Variants in KCNJ6 observed in about 807,000 individuals in gnomAD.
The protein encoded by KCNJ6 is G protein-activated inward rectifier potassium channel 2.
A neutral mutation model predicts 34.2 loss-of-function variants in KCNJ6; 9 were observed. The observed-to-expected ratio is 0.26, with a 90% CI of 0.16 to 0.46. The LOEUF (loss-of-function observed/expected upper bound fraction) is 0.46, where lower values mean the gene tolerates loss of function less well. Ranked by LOEUF, KCNJ6 falls within the 20% of genes least tolerant of loss-of-function variation. KCNJ6 has a pLI of 1.00. For synonymous variants in KCNJ6, 196 were observed against 207.1 expected (o/e 0.95, Z 0.46); for missense variants, 236 against 531.3 (o/e 0.44, Z 5.46).
At chr21:37,815,634 C>T (rs192138295) in intron 2 of KCNJ6, among the ~76,000 whole-genome samples, 1 of 152,200 alleles carries the variant, frequency 6.6e-6, no homozygotes, top group Non-Finnish European at 1.5e-5. Flanking sequence ...ATCATCTAAT[C>T]CAGTCCACTT....
At chr21:37,809,413 A>G (rs1023075692) in intron 2 of KCNJ6, among the ~76,000 whole-genome samples, 14 of 152,220 alleles carry the variant, frequency 9.2e-5, no homozygotes, top group African/African-American at 2.4e-4. Context: ...ATTAGGAGAT[A>G]TACCTAATGC....
intron 3 of KCNJ6, among the ~76,000 whole-genome samples, chr21:37,684,212 G>A (rs2054603076): frequency 1.3e-5 from 2 of 152,148 alleles, no homozygotes; most frequent in Non-Finnish European, 2.9e-5. Flanking sequence ...TGTGAAGGGA[G>A]GTCTGGTCCA....
At chr21:37,771,890 C>T (rs1485079095) in intron 2 of KCNJ6, among the ~76,000 whole-genome samples, 1 of 152,090 alleles carries the variant, frequency 6.6e-6, no homozygotes, top group Admixed American at 6.6e-5. Context: ...TTTTCATGGC[C>T]TCTACAATGC....
intron 3 of KCNJ6, among the ~76,000 whole-genome samples, chr21:37,684,386 A>G (rs1601418206): frequency 1.3e-5 from 2 of 151,468 alleles, no homozygotes; most frequent in East Asian, 3.9e-4. Context: ...ACATCGGACT[A>G]TGGTCTGCTC....
At chr21:37,888,248 CTCT>C (rs922895062) in intron 1 of KCNJ6, among the ~76,000 whole-genome samples, 19 of 152,226 alleles carry the variant, frequency 1.2e-4, no homozygotes, top group Admixed American at 3.3e-4. Flanking sequence ...TTTCCTCTCT[CTCT>C]TCTTCTACTG....
At chr21:37,853,698 G>A (rs775234381) in intron 1 of KCNJ6, among the ~76,000 whole-genome samples, 19 of 151,670 alleles carry the variant, frequency 1.3e-4, no homozygotes, top group Non-Finnish European at 2.5e-4. Flanking sequence ...ATGGTCTACT[G>A]TGATTCTTAA....
intron 3 of KCNJ6, among the ~76,000 whole-genome samples, chr21:37,679,844 A>G (rs2054582965): frequency 6.6e-6 from 1 of 152,230 alleles, no homozygotes; most frequent in African/African-American, 2.4e-5. Context: ...CTTTCTAGAC[A>G]TGGTTGGAAA....
At chr21:37,655,223 GTGAGAGAGAGAGAGAGAGAGAGAGAGA>G (rs2054456276) in intron 3 of KCNJ6, among the ~76,000 whole-genome samples, 694 of 10,212 alleles carry the variant, frequency 0.068, 30 homozygotes, top group East Asian at 0.25. Flanking sequence ...GTGTGTGTGT[GTGAGAGAGAGAGAGAGAGAGAGAGAGA>G]GAGAGAGAGA....
At chr21:37,793,945 T>C (rs1313537908) in intron 2 of KCNJ6, among the ~76,000 whole-genome samples, 1 of 152,254 alleles carries the variant, frequency 6.6e-6, no homozygotes, top group Non-Finnish European at 1.5e-5. Flanking sequence ...AATGCATCTA[T>C]TTTAAAAATG....
intron 2 of KCNJ6, among the ~76,000 whole-genome samples, chr21:37,728,076 G>A (rs1426436264): frequency 2.6e-5 from 4 of 152,214 alleles, no homozygotes; most frequent in East Asian, 1.9e-4. Context: ...CAGAAAAATG[G>A]ATAAACAAAA....
chr21:37,854,349 A>C (rs2055553756), intron 1 of KCNJ6, among the ~76,000 whole-genome samples: 1 of 152,158 alleles, frequency 6.6e-6, no homozygotes, highest in Admixed American at 6.5e-5. Context: ...ATTACATAAT[A>C]ATAAAGATTA....
chr21:37,787,710 T>C (rs1030361369), intron 2 of KCNJ6, among the ~76,000 whole-genome samples: 10 of 152,172 alleles, frequency 6.6e-5, no homozygotes, highest in African/African-American at 2.4e-4. Context: ...GGGAATCTAA[T>C]ACTGATTACT....
chr21:37,639,863 C>T (rs1005469352), intron 3 of KCNJ6, among the ~76,000 whole-genome samples: 3 of 152,176 alleles, frequency 2.0e-5, no homozygotes, highest in African/African-American at 7.2e-5. Flanking sequence ...CTCTCTCTTC[C>T]TCCTGCTCCA....
chr21:37,657,126 C>A (rs2054467858), intron 3 of KCNJ6, among the ~76,000 whole-genome samples: 1 of 152,140 alleles, frequency 6.6e-6, no homozygotes, highest in Non-Finnish European at 1.5e-5. Context: ...CCAGTCCACC[C>A]AGAACCCCTG....
intron 3 of KCNJ6, among the ~76,000 whole-genome samples, chr21:37,668,233 G>A (rs2054525767): frequency 6.6e-6 from 1 of 152,148 alleles, no homozygotes; most frequent in Admixed American, 6.5e-5. Context: ...ACCCATAGAG[G>A]CCTTCAGACC....
chr21:37,696,922 T>A (rs1486430355), intron 3 of KCNJ6, among the ~76,000 whole-genome samples: 1 of 152,206 alleles, frequency 6.6e-6, no homozygotes, highest in African/African-American at 2.4e-5. Flanking sequence ...TGAGGTAGCA[T>A]GGCGAACAGG....
At chr21:37,684,983 A>G (rs1013932814) in intron 3 of KCNJ6, among the ~76,000 whole-genome samples, 1 of 152,248 alleles carries the variant, frequency 6.6e-6, no homozygotes, top group African/African-American at 2.4e-5. Context: ...CCATTAACAA[A>G]AAAATCAATA....
intron 2 of KCNJ6, among the ~76,000 whole-genome samples, chr21:37,809,388 G>A (rs188587432): frequency 0.017 from 2,625 of 151,880 alleles, 65 homozygotes; most frequent in African/African-American, 0.058. Context: ...GGTGGGGAGA[G>A]GGGGGAGGGA....
chr21:37,655,224 TGAGAGAGAGAGAGA>T (rs1177319031), intron 3 of KCNJ6, among the ~76,000 whole-genome samples: 1 of 7,490 alleles, frequency 1.3e-4, no homozygotes, highest in African/African-American at 2.1e-4. Context: ...TGTGTGTGTG[TGAGAGAGAGAGAGA>T]GAGAGAGAGA....
Sources: allele counts gnomAD v4.1 joint callset (sites outside exome capture counted in the v4.1 genomes callset), GRCh38; gene constraint gnomAD v4.1.1; transcripts MANE v1.5; gene names NCBI Gene and HGNC (gene_info 2026-07-23, HGNC 2026-07-21).